The following GPC6 variants were observed in gnomAD, a reference collection of about 807,000 sequenced individuals.
GPC6 encodes glypican 6, also known as glypican-6.
GPC6 carries 14 observed loss-of-function variants against 55.2 expected under a neutral mutation model. The ratio of observed to expected loss-of-function variants is 0.25; its 90% CI spans 0.17 to 0.40. The LOEUF is 0.40. Among genes scored for constraint, GPC6 ranks in the 10% least tolerant of loss-of-function variants. GPC6 has a pLI of 1.00. For synonymous variants in GPC6, 278 were observed against 259.6 expected, an observed-to-expected ratio of 1.07 and a Z score of -0.68; for missense variants, 641 against 708.5, an observed-to-expected ratio of 0.90 and a Z score of 1.08.
chr13:94,079,468 A>G (rs1001894037), intron 4 of GPC6, among the ~76,000 whole-genome samples: 2 of 152,146 alleles, frequency 1.3e-5, no homozygotes, highest in African/African-American at 2.4e-5. Flanking sequence ...GGTGTTTTTC[A>G]TATCCATCAA....
At chr13:94,304,279 A>G (rs1309617507) in intron 5 of GPC6, among the ~76,000 whole-genome samples, 1 of 152,246 alleles carries the variant, frequency 6.6e-6, no homozygotes. Flanking sequence ...GTTGAAGGAG[A>G]ACTTTTGAAT....
intron 1 of GPC6, among the ~76,000 whole-genome samples, chr13:93,396,485 C>T (rs937224916): frequency 1.2e-4 from 18 of 152,018 alleles, no homozygotes; most frequent in African/African-American, 4.8e-5. Flanking sequence ...ATCGCTTGAA[C>T]CCGGGAGGCG....
chr13:93,543,009 A>C lies in GPC6; in HGVS notation c.161-2254A>C, dbSNP rs62531924. On this transcript the variant is annotated intron_variant, in intron 1 of 8. Coordinates refer to ENST00000377047, the MANE Select transcript of GPC6 (RefSeq NM_005708.5). ...ACTTCCTCTTTTCCTAATTGAATAC[A>C]TTTTATTTCCTTCTGCTGCCTGATC... Among the ~76,000 whole-genome samples, 7 of 152,152 alleles carry C rather than the reference A, an allele frequency of 4.6e-5. No homozygotes were observed. The South Asian group carries it at 1.0e-3, about 23-fold the overall frequency.
Position 93,431,706 on chromosome 13 carries a change from C to T in GPC6, c.161-113557C>T, listed in dbSNP as rs2762123. 1.6e-4 allele frequency among the ~76,000 whole-genome samples: 25 copies of T among 151,846 alleles called. 1 individual carries two copies. The highest frequency in any genetic ancestry group is 5.1e-4 in the African/African-American group (21 of 41,424). Reference sequence around the variant, plus strand: ...GAGAAGAATATGTATATACTAGGAGCCTGGATATTAAGAATTTTGAATGAA... The same window carrying T: ...GAGAAGAATATGTATATACTAGGAGTCTGGATATTAAGAATTTTGAATGAA... On this transcript the variant is annotated intron_variant, in intron 1 of 8. Transcript: ENST00000377047.
At chr13:93,471,388 G>C (rs1343991452) in intron 1 of GPC6, among the ~76,000 whole-genome samples, 6 of 151,194 alleles carry the variant, frequency 4.0e-5, no homozygotes, top group Admixed American at 4.0e-4. Flanking sequence ...AAATTAGCCA[G>C]GCGTGGTGGC....
At chr13:93,828,562 C>T (rs1456861709) in intron 2 of GPC6, among the ~76,000 whole-genome samples, 9 of 151,834 alleles carry the variant, frequency 5.9e-5, no homozygotes, top group Non-Finnish European at 1.2e-4. Context: ...TTTTCTTTAC[C>T]GAATCCCTAA....
intron 4 of GPC6, among the ~76,000 whole-genome samples, chr13:94,119,607 A>G (rs1886555231): frequency 6.6e-6 from 1 of 152,148 alleles, no homozygotes; most frequent in South Asian, 2.1e-4. Flanking sequence ...GGGCAGGAGA[A>G]GCACCATACA....
intron 2 of GPC6, among the ~76,000 whole-genome samples, chr13:93,795,900 A>G (rs776866300): frequency 3.3e-5 from 5 of 152,088 alleles, no homozygotes; most frequent in Admixed American, 6.5e-5. Context: ...CATCCAGAAA[A>G]TTGATTTTGA....
At chr13:94,399,901 C>T (rs1304903346) in intron 8 of GPC6, among the ~76,000 whole-genome samples, 2 of 152,312 alleles carry the variant, frequency 1.3e-5, no homozygotes, top group African/African-American at 4.8e-5. Context: ...AGCCTCACAC[C>T]TCTCATTTTA....
chr13:93,350,743 A>C (rs1255002770), intron 1 of GPC6, among the ~76,000 whole-genome samples: 1 of 152,208 alleles, frequency 6.6e-6, no homozygotes, highest in African/African-American at 2.4e-5. Context: ...TATCTGGACT[A>C]TAAACCTTAA....
intron 1 of GPC6, among the ~76,000 whole-genome samples, chr13:93,533,941 T>C (rs1243592542): frequency 6.6e-6 from 1 of 151,976 alleles, no homozygotes; most frequent in Non-Finnish European, 1.5e-5. Flanking sequence ...TTTCACCCTA[T>C]TGGGAAGCAA....
intron 2 of GPC6, among the ~76,000 whole-genome samples, chr13:93,629,598 T>TTACC (rs1225010322): frequency 6.6e-6 from 1 of 152,190 alleles, no homozygotes; most frequent in Non-Finnish European, 1.5e-5. Flanking sequence ...TCTCTTAGAC[T>TTACC]TACAGCCAAT....
At chr13:93,630,629 G>A (rs1036907233) in intron 2 of GPC6, among the ~76,000 whole-genome samples, 2 of 151,954 alleles carry the variant, frequency 1.3e-5, no homozygotes, top group African/African-American at 2.4e-5. Context: ...AAAAATTGAC[G>A]CTTTTTGGTT....
At chr13:94,391,212 C>T (rs1330495701) in intron 7 of GPC6, among the ~76,000 whole-genome samples, 1 of 152,218 alleles carries the variant, frequency 6.6e-6, no homozygotes, top group Non-Finnish European at 1.5e-5. Flanking sequence ...AACATGAATT[C>T]AGGCTTTAAA....
At position 93,521,327 on chromosome 13, in the gene GPC6, G is replaced by A. The variant is rs1342143195; in HGVS notation, c.161-23936G>A. On this transcript the variant is annotated intron_variant, in intron 1 of 8. Transcript: ENST00000377047. ...TTTCTTTTTTTTTAGGGTGAAAGTGGTATATGTACTAAATGAAATTATCTT... is the reference window on the plus strand; with the variant it reads ...TTTCTTTTTTTTTAGGGTGAAAGTGATATATGTACTAAATGAAATTATCTT... Among the ~76,000 whole-genome samples the A allele has an allele frequency of 2.6e-5, 4 of 151,738 alleles. No homozygotes were observed. The South Asian group carries it at 6.2e-4, about 24-fold the overall frequency.
chr13:94,187,038 A>G (rs1199250349), intron 4 of GPC6: 1 of 152,240 alleles, frequency 6.6e-6, no homozygotes, highest in African/African-American at 2.4e-5. Context: ...CTGGAGCTTG[A>G]CAATCACCTT....
rs141371699 is a variant in GPC6 at position 94,039,988 on chromosome 13, G to A, written c.877+12094G>A. ...ATGATTTAACGGCCATGCCTCAATC[G>A]CTCTCCAAAATATGTTTTTAGACTC... On this transcript the variant is annotated intron_variant, in intron 4 of 8. Transcript: ENST00000377047. Among the ~76,000 whole-genome samples, 125 of 151,794 alleles carry A rather than the reference G, an allele frequency of 8.2e-4. 2 individuals are homozygous for A. The East Asian group carries it at 0.022, about 27-fold the overall frequency.
At chr13:93,690,191 G>A (rs1221869681) in intron 2 of GPC6, among the ~76,000 whole-genome samples, 2 of 152,080 alleles carry the variant, frequency 1.3e-5, no homozygotes, top group Non-Finnish European at 2.9e-5. Context: ...AGCTGGTATT[G>A]GGTTAAGCTG....
intron 1 of GPC6, among the ~76,000 whole-genome samples, chr13:93,354,254 T>C (rs181383906): frequency 6.6e-6 from 1 of 152,218 alleles, no homozygotes; most frequent in Admixed American, 6.5e-5. Context: ...GGCTGAGTTG[T>C]TCATGGTAAA....
Sources: gnomAD v4.1 joint callset for allele counts (sites outside exome capture counted in the v4.1 genomes callset) on GRCh38, gnomAD v4.1.1 for gene constraint, MANE v1.5 for transcripts, NCBI Gene and HGNC (gene_info 2026-07-23, HGNC 2026-07-21) for gene names.